NIPAL2: variants seen among roughly 807,000 people sequenced by gnomAD.
NIPAL2 encodes NIPA like domain containing 2.
A neutral mutation model predicts 48.9 loss-of-function variants in NIPAL2; 43 were observed. The ratio of observed to expected loss-of-function variants is 0.88; its 90% CI spans 0.69 to 1.13. The LOEUF is 1.13. NIPAL2 is among the 50% of genes most tolerant of loss of function. NIPAL2 has a pLI of 0.00. For missense variants in NIPAL2, 446 were observed against 461.4 expected (o/e 0.97, Z 0.31); for synonymous variants, 167 against 174.6 (o/e 0.96, Z 0.34).
chr8:98,240,341 A>T (rs746725840), intron 3 of NIPAL2, among the ~76,000 whole-genome samples: 19 of 152,190 alleles, frequency 1.2e-4, no homozygotes, highest in Non-Finnish European at 2.1e-4. Context: ...TGATGTAAGA[A>T]AAACCAGGAG....
At chr8:98,204,266 G>A (rs1233603811) in intron 7 of NIPAL2, among the ~76,000 whole-genome samples, 1 of 152,106 alleles carries the variant, frequency 6.6e-6, no homozygotes, top group Non-Finnish European at 1.5e-5. Flanking sequence ...CAAAACATTG[G>A]GTTTTTCCAG....
intron 6 of NIPAL2, among the ~76,000 whole-genome samples, chr8:98,210,007 A>G (rs1326401172): frequency 1.3e-5 from 2 of 152,010 alleles, no homozygotes; most frequent in Non-Finnish European, 2.9e-5. Flanking sequence ...ATATCTATCT[A>G]TCATTTCTAT....
In NIPAL2 at chr8:98,222,909, C is replaced by T. The variant is rs140698589; in HGVS notation, c.437-309G>A. Among the ~76,000 whole-genome samples the T allele has an allele frequency of 2.1e-3, 319 of 152,278 alleles. 2 individuals are homozygous for T. The highest frequency in any genetic ancestry group is 1.9e-3 in the Non-Finnish European group (132 of 68,020). ...ATTGGGAAGATCAGAATATGTGCTACGAAGACGTGAAAACACCTCCTAAGC... is the reference window on the plus strand; with the variant it reads ...ATTGGGAAGATCAGAATATGTGCTATGAAGACGTGAAAACACCTCCTAAGC... On this transcript the variant is annotated intron_variant, in intron 4 of 10. Transcript: ENST00000430223.
chr8:98,280,761 T>TATAGAGAGAGAGAGAGAGAGAGAG, intron 1 of NIPAL2, among the ~76,000 whole-genome samples: 6 of 30,028 alleles, frequency 2.0e-4, no homozygotes, highest in Admixed American at 8.9e-4. Context: ...TATATATATA[T>TATAGAGAGAGAGAGAGAGAGAGAG]AGAGAGAGAG....
In NIPAL2 at chr8:98,242,492, T is replaced by TTTGTTTTTTTTTG. The variant is rs1387043486; in HGVS notation, c.377-6279_377-6278insCAAAAAAAAACAA. 3.5e-5 allele frequency among the ~76,000 whole-genome samples: 5 copies of TTTGTTTTTTTTTG among 144,532 alleles called. No individual in the cohort carries two copies. The East Asian group carries it at 6.1e-4, about 18-fold the overall frequency. The allele number at this position is 144,532 out of a possible 152,430, so 94.8% of individuals were successfully genotyped here. On this transcript the variant is annotated intron_variant, in intron 3 of 10. Transcript: ENST00000430223. ...AAAAGCCACTGCACCTGACAGATTTTTTTTTTTTTTTTTTTAACTGAGCCT... is the reference window on the plus strand; with the variant it reads ...AAAAGCCACTGCACCTGACAGATTTTTTGTTTTTTTTTGTTTTTTTTTTTTTTTAACTGAGCCT...
intron 6 of NIPAL2, among the ~76,000 whole-genome samples, chr8:98,209,445 C>CAAAAAAAAAAAAA (rs33923448): frequency 1.4e-5 from 1 of 70,504 alleles, no homozygotes; most frequent in African/African-American, 6.1e-5. Context: ...CCTGTCTCTC[C>CAAAAAAAAAAAAA]AAAAAAAAAA....
intron 1 of NIPAL2, among the ~76,000 whole-genome samples, chr8:98,255,271 A>C (rs1377849269): frequency 6.6e-6 from 1 of 152,228 alleles, no homozygotes. Context: ...TGTTGCTCCC[A>C]TCTAGGTCCA....
Position 98,222,477 on chromosome 8 carries a change from A to G in NIPAL2, c.558+2T>C. ...GGATAGTAAAATATTTAGAATTCTT[A>G]CCACATAGATCAGGAACTGCCATCC... is the stretch of plus-strand genomic sequence containing the variant. On this transcript the variant is annotated splice_donor_variant, in intron 5 of 10. Transcript: ENST00000430223. LOFTEE classifies it high-confidence loss of function. 1 of 1,612,716 alleles carries G rather than the reference A, an allele frequency of 6.2e-7. No homozygotes were observed. Among genetic ancestry groups the G allele is most frequent in the East Asian group, 2.2e-5 (1 of 44,866 alleles).
At chr8:98,260,767 G>A (rs1316400600) in intron 1 of NIPAL2, among the ~76,000 whole-genome samples, 9 of 152,244 alleles carry the variant, frequency 5.9e-5, no homozygotes, top group Non-Finnish European at 8.8e-5. Flanking sequence ...CCAACTGGGC[G>A]GAGCCCACCA....
chr8:98,198,653 T>C (rs1052878321), intron 8 of NIPAL2, among the ~76,000 whole-genome samples: 1 of 152,250 alleles, frequency 6.6e-6, no homozygotes, highest in Non-Finnish European at 1.5e-5. Context: ...TGCTGCTTCA[T>C]CTTGTATTTA....
At chr8:98,245,021 A>G (rs568300353) in intron 3 of NIPAL2, among the ~76,000 whole-genome samples, 14 of 152,350 alleles carry the variant, frequency 9.2e-5, no homozygotes, top group African/African-American at 3.1e-4. Context: ...TAAAACACTA[A>G]GGAAAACTCT....
intron 1 of NIPAL2, among the ~76,000 whole-genome samples, chr8:98,276,467 T>C (rs1815472138): frequency 6.6e-6 from 1 of 152,230 alleles, no homozygotes; most frequent in Non-Finnish European, 1.5e-5. Flanking sequence ...ATTCAGCTAC[T>C]GAAGGACACC....
intron 1 of NIPAL2, among the ~76,000 whole-genome samples, chr8:98,283,699 T>C (rs553419832): frequency 1.3e-4 from 20 of 152,328 alleles, no homozygotes; most frequent in African/African-American, 4.6e-4. Flanking sequence ...TCAGCTGCAA[T>C]GCTCTACCCC....
At chr8:98,259,947 G>T (rs948702176) in intron 1 of NIPAL2, among the ~76,000 whole-genome samples, 17 of 152,192 alleles carry the variant, frequency 1.1e-4, no homozygotes, top group Non-Finnish European at 2.1e-4. Context: ...AGCACTCATT[G>T]ATGGTTGTAA....
rs1404442709 is a variant in NIPAL2, at chr8:98,190,768, T to C, written c.*2210A>G. On this transcript the variant is annotated 3_prime_UTR_variant, in exon 11 of 11. Transcript: ENST00000430223. ...TACAGACAACACAAACTCCAAAATA[T>C]GTACTCTGTGGGTCTTTACTGAAAA... The C allele has an allele frequency of 6.6e-6, 1 of 152,176 alleles. No individual in the cohort carries two copies. The highest frequency in any genetic ancestry group is 2.4e-5 in the African/African-American group (1 of 41,438). 9.4% of individuals were successfully genotyped at this position (152,176 alleles called of 1,614,324 possible). A position where few individuals can be genotyped will look rare whatever the true frequency, so the allele number is the denominator to read the frequency against.
intron 1 of NIPAL2, among the ~76,000 whole-genome samples, chr8:98,276,962 G>A (rs1046766009): frequency 2.6e-5 from 4 of 151,732 alleles, no homozygotes; most frequent in African/African-American, 4.8e-5. Context: ...TAGAGACGGG[G>A]TTTCACCCTG....
intron 1 of NIPAL2, among the ~76,000 whole-genome samples, chr8:98,288,026 T>C (rs1387250782): frequency 6.6e-6 from 1 of 152,194 alleles, no homozygotes; most frequent in Non-Finnish European, 1.5e-5. Context: ...TATTATTTTT[T>C]ATTTTATACA....
Position 98,267,858 on chromosome 8 carries a change from A to G in NIPAL2, c.136-13771T>C, listed in dbSNP as rs533822084. On this transcript the variant is annotated intron_variant, in intron 1 of 10. Transcript: ENST00000430223. The stretch of plus-strand genomic sequence containing the variant: ...TTGAAGTTTGTTCCCCACCCCCTGG[A>G]ACCTACATGAGGCAAAAATTTAGAG... Among the ~76,000 whole-genome samples, 4 of 152,304 alleles carry G rather than the reference A, an allele frequency of 2.6e-5. No individual in the cohort carries two copies. In the East Asian group the frequency reaches 7.7e-4, roughly 29 times the overall value.
chr8:98,244,665 T>C (rs1484084530), intron 3 of NIPAL2, among the ~76,000 whole-genome samples: 1 of 151,880 alleles, frequency 6.6e-6, no homozygotes, highest in East Asian at 1.9e-4. Context: ...TGTGGGGCCG[T>C]GGTGAACTAT....
Sources: gnomAD v4.1 joint callset for allele counts (sites outside exome capture counted in the v4.1 genomes callset) on GRCh38, gnomAD v4.1.1 for gene constraint, MANE v1.5 for transcripts, NCBI Gene and HGNC (gene_info 2026-07-23, HGNC 2026-07-21) for gene names.